Variants in CLASP2 observed in about 807,000 individuals in gnomAD.
The protein encoded by CLASP2 is cytoplasmic linker associated protein 2.
CLASP2 carries 47 observed loss-of-function variants against 194.4 expected under a neutral mutation model. The ratio of observed to expected loss-of-function variants is 0.24; its 90% CI spans 0.19 to 0.31. The LOEUF is 0.31. Ranked by LOEUF, CLASP2 falls within the 10% of genes least tolerant of loss-of-function variation. The pLI, the probability that CLASP2 is intolerant of heterozygous loss-of-function variation, is 1.00. For missense variants in CLASP2, 1,445 were observed against 1,823.6 expected, an observed-to-expected ratio of 0.79 and a Z score of 3.78; for synonymous variants, 619 against 633.5, an observed-to-expected ratio of 0.98 and a Z score of 0.34.
chr3:33,563,991 T>C (rs1037420770), intron 27 of CLASP2: 10 of 442,674 alleles, frequency 2.3e-5, no homozygotes, highest in African/African-American at 1.8e-4. Flanking sequence ...ATTCAAGTCC[T>C]AGTCAAGAAA....
chr3:33,637,992 C>T (rs1449749971), intron 8 of CLASP2, among the ~76,000 whole-genome samples: 1 of 152,120 alleles, frequency 6.6e-6, no homozygotes, highest in Non-Finnish European at 1.5e-5. Flanking sequence ...AATCATGGTA[C>T]ATCAATAATG....
intron 7 of CLASP2, among the ~76,000 whole-genome samples, chr3:33,660,884 G>GA (rs1478863696): frequency 6.6e-6 from 1 of 152,054 alleles, no homozygotes; most frequent in Non-Finnish European, 1.5e-5. Flanking sequence ...CAATAAAAAT[G>GA]AATCAACAAA....
At chr3:33,507,612 G>A (rs1465424295) in intron 37 of CLASP2, among the ~76,000 whole-genome samples, 1 of 152,108 alleles carries the variant, frequency 6.6e-6, no homozygotes, top group Non-Finnish European at 1.5e-5. Flanking sequence ...CCCCCAAGTA[G>A]CTGGGACTAC....
Position 33,535,448 on chromosome 3 carries a change from G to A in CLASP2, c.3572C>T (p.Pro1191Leu), listed in dbSNP as rs1364872511. ...TCCTGCTCTTGGGTCAGACATCCCA[G>A]GACCACCACACATCTATCAATGGGA... is the stretch of plus-strand genomic sequence containing the variant. ...KDDGDSMCGG[P>L]GMSDPRAGGD... The change falls in exon 34 of 39, where the codon CCT (proline) becomes CTT (leucine). Residue 1191 changes from proline to leucine, a missense_variant. Physicochemically the swap from Pro to Leu is moderately conservative, Grantham distance 98. Coordinates refer to ENST00000682230, the MANE Select transcript of CLASP2 (RefSeq NM_001365631.1). The A allele has an allele frequency of 4.3e-6, 7 of 1,613,290 alleles. No individual in the cohort carries two copies. The highest frequency in any genetic ancestry group is 2.7e-5 in the African/African-American group (2 of 74,896).
At chr3:33,593,405 T>C (rs2069319463) in intron 20 of CLASP2, among the ~76,000 whole-genome samples, 1 of 152,184 alleles carries the variant, frequency 6.6e-6, no homozygotes, top group African/African-American at 2.4e-5. Context: ...AAAGATACAA[T>C]TTGTAGGGTA....
intron 1 of CLASP2, among the ~76,000 whole-genome samples, chr3:33,706,324 C>G (rs1160446350): frequency 6.6e-6 from 1 of 152,106 alleles, no homozygotes; most frequent in Non-Finnish European, 1.5e-5. Context: ...ATACAAGGAA[C>G]AGAGAAAGAA....
intron 34 of CLASP2, among the ~76,000 whole-genome samples, chr3:33,521,020 G>C (rs1409990312): frequency 6.6e-6 from 1 of 152,048 alleles, no homozygotes; most frequent in African/African-American, 2.4e-5. Flanking sequence ...GAAGCACAGG[G>C]ATAGTACAAC....
chr3:33,580,032 T>C (rs2065691292), intron 23 of CLASP2, among the ~76,000 whole-genome samples: 1 of 152,124 alleles, frequency 6.6e-6, no homozygotes, highest in Non-Finnish European at 1.5e-5. Flanking sequence ...GAACTAAAAA[T>C]ATCTCTGACA....
intron 36 of CLASP2, chr3:33,514,672 GT>G (rs1332071284): frequency 1.2e-5 from 4 of 343,660 alleles, no homozygotes; most frequent in Non-Finnish European, 2.4e-5. Flanking sequence ...CCACTATTGG[GT>G]ATCTACCTAG....
At chr3:33,670,701 T>G (rs2086998348) in intron 6 of CLASP2, among the ~76,000 whole-genome samples, 1 of 152,160 alleles carries the variant, frequency 6.6e-6, no homozygotes, top group Non-Finnish European at 1.5e-5. Context: ...TAGGAAAACC[T>G]GACCTGTAGT....
chr3:33,510,513 C>T, intron 37 of CLASP2, 45 bp downstream of exon 37: 1 of 1,567,336 alleles, frequency 6.4e-7, no homozygotes, highest in Non-Finnish European at 8.8e-7. Flanking sequence ...ATAACTGTAT[C>T]CCAAATGTAT....
intron 2 of CLASP2, among the ~76,000 whole-genome samples, chr3:33,694,516 C>A (rs991706539): frequency 1.3e-5 from 2 of 152,162 alleles, no homozygotes; most frequent in Non-Finnish European, 2.9e-5. Context: ...CAAGGAGACA[C>A]AGGAAATGCT....
chr3:33,560,696 T>A, intron 28 of CLASP2, 112 bp downstream of exon 28: 1 of 841,518 alleles, frequency 1.2e-6, no homozygotes, highest in African/African-American at 1.7e-5. Context: ...TCAAACGGAA[T>A]CCATGCAGTC....
At chr3:33,519,875 A>G (rs576233894) in intron 34 of CLASP2, among the ~76,000 whole-genome samples, 9 of 152,358 alleles carry the variant, frequency 5.9e-5, no homozygotes, top group East Asian at 5.8e-4. Flanking sequence ...GATTTCAGTT[A>G]TAGTTTCCAA....
Position 33,544,818 on chromosome 3 carries a change from T to C in CLASP2, c.3177A>G (p.Ser1059=), listed in dbSNP as rs745885606. Residue 1059 remains serine, a synonymous_variant, in exon 31 of 39, where the codon TCA becomes TCG. Transcript: ENST00000682230. ...ACTCTGGGGTATTGAGTTCAAATAATGAAATCAGCACTGACTGTGCTGCCT... is the reference window on the plus strand; with the variant it reads ...ACTCTGGGGTATTGAGTTCAAATAACGAAATCAGCACTGACTGTGCTGCCT... The part of the protein sequence containing the change: ...VRKAAQSVLI[S]LFELNTPEFT... 3.5e-5 allele frequency: 57 copies of C among 1,612,234 alleles called. No homozygotes were observed. Among genetic ancestry groups the C allele is most frequent in the Non-Finnish European group, 4.7e-5 (56 of 1,179,198 alleles).
At chr3:33,580,068 T>C (rs1348841836) in intron 23 of CLASP2, among the ~76,000 whole-genome samples, 1 of 152,106 alleles carries the variant, frequency 6.6e-6, no homozygotes, top group Non-Finnish European at 1.5e-5. Context: ...ACAGCCTTAG[T>C]GATGTGGAAC....
chr3:33,696,467 C>CT (rs527665599), intron 2 of CLASP2, among the ~76,000 whole-genome samples: 13,304 of 117,940 alleles, frequency 0.11, 729 homozygotes, highest in Admixed American at 0.13. Flanking sequence ...CATAACATTA[C>CT]TTTTTTTTTT....
At chr3:33,615,786 C>T (rs2076050199) in intron 12 of CLASP2, among the ~76,000 whole-genome samples, 1 of 151,574 alleles carries the variant, frequency 6.6e-6, no homozygotes, top group Admixed American at 6.6e-5. Flanking sequence ...TGTCATGAAA[C>T]TAAAAAATAA....
At chr3:33,569,489 T>C (rs2063362462) in intron 26 of CLASP2, among the ~76,000 whole-genome samples, 1 of 152,222 alleles carries the variant, frequency 6.6e-6, no homozygotes, top group Non-Finnish European at 1.5e-5. Flanking sequence ...CTTTGGCTTA[T>C]ATTGCCAACT....
Sources: allele counts gnomAD v4.1 joint callset (sites outside exome capture counted in the v4.1 genomes callset), GRCh38; gene constraint gnomAD v4.1.1; transcripts MANE v1.5; gene names NCBI Gene and HGNC (gene_info 2026-07-23, HGNC 2026-07-21).